The following CACNA1A variants were observed in gnomAD, a reference collection of about 807,000 sequenced individuals.
CACNA1A encodes the protein calcium voltage-gated channel subunit alpha1 A.
A neutral mutation model predicts 262.4 loss-of-function variants in CACNA1A; 57 were observed. The observed-to-expected ratio is 0.22, with a 90% CI of 0.18 to 0.27. CACNA1A has a LOEUF of 0.27. CACNA1A is among the 10% of genes least tolerant of loss of function. The pLI, the probability that CACNA1A is intolerant of heterozygous loss-of-function variation, is 1.00. For missense variants in CACNA1A, 2,526 were observed against 3,562.8 expected (o/e 0.71, Z 7.41); for synonymous variants, 1,431 against 1,419.3 (o/e 1.01, Z -0.18).
intron 3 of CACNA1A, among the ~76,000 whole-genome samples, chr19:13,418,861 T>C (rs1309643440): frequency 6.6e-6 from 1 of 152,174 alleles, no homozygotes; most frequent in African/African-American, 2.4e-5. Flanking sequence ...TATAACTGTA[T>C]TTTTACTGTA....
At chr19:13,371,900 C>T (rs1168247239) in intron 3 of CACNA1A, 121 bp from the exon 4 acceptor site, 10 of 725,342 alleles carry the variant, frequency 1.4e-5, no homozygotes, top group East Asian at 8.1e-5. Context: ...GCAGGTGACT[C>T]GACACCACTG....
At chr19:13,473,662 C>A (rs2145047083) in intron 1 of CACNA1A, among the ~76,000 whole-genome samples, 1 of 152,226 alleles carries the variant, frequency 6.6e-6, no homozygotes, top group Non-Finnish European at 1.5e-5. Context: ...GTTACAAGTT[C>A]CAGGAGGGCC....
At chr19:13,427,942 G>A (rs72997581) in intron 3 of CACNA1A, among the ~76,000 whole-genome samples, 9,469 of 151,144 alleles carry the variant, frequency 0.063, 379 homozygotes, top group South Asian at 0.15. Context: ...ATAATAACAG[G>A]TTGTTTTTTT....
intron 6 of CACNA1A, among the ~76,000 whole-genome samples, chr19:13,346,385 T>C (rs534805462): frequency 1.3e-5 from 2 of 151,522 alleles, no homozygotes; most frequent in East Asian, 3.9e-4. Context: ...CATGGCTCCC[T>C]TCATCTCCTT....
At chr19:13,407,650 C>T (rs1599384875) in intron 3 of CACNA1A, among the ~76,000 whole-genome samples, 1 of 152,160 alleles carries the variant, frequency 6.6e-6, no homozygotes, top group East Asian at 1.9e-4. Flanking sequence ...ATGGAGACGT[C>T]CATCAATGGA....
rs1383547018 is a variant in CACNA1A at position 13,208,042 on chromosome 19, G to A, written c.6792C>T (p.Ser2264=). The A allele has an allele frequency of 7.7e-7, 1 of 1,299,018 alleles. No individual in the cohort carries two copies. The highest frequency in any genetic ancestry group is 9.7e-7 in the Non-Finnish European group (1 of 1,027,892). 80.5% of individuals were successfully genotyped at this position (1,299,018 alleles called of 1,614,324 possible). A position where few individuals can be genotyped will look rare whatever the true frequency, so the allele number is the denominator to read the frequency against. Residue 2264 remains serine, a synonymous_variant, in exon 47 of 47, where the codon TCC becomes TCT. Transcript: ENST00000360228. ...TTGAGGGGGCTGGGCTTCCACTTAC[G>A]GAACTACTGCCCTACACGAAAATTG... is the stretch of plus-strand genomic sequence containing the variant. ...EHMAHRQGSS[S]VSGSPAPSTS...
Position 13,300,539 on chromosome 19 carries a change from G to C in CACNA1A, c.2279+11C>G. ...AGCCAGGGTAGCATCCCAGGGATTA[G>C]GGGCACTTACACAGCTATAGACATG... On this transcript the variant is annotated intron_variant, in intron 18 of 46. Coordinates refer to ENST00000360228, the MANE Select transcript of CACNA1A (RefSeq NM_001127222.2). 6.3e-7 allele frequency: 1 copy of C among 1,584,732 alleles called. No homozygotes were observed. Among genetic ancestry groups the C allele is most frequent in the Non-Finnish European group, 8.7e-7 (1 of 1,153,336 alleles).
intron 6 of CACNA1A, among the ~76,000 whole-genome samples, chr19:13,339,556 G>A (rs755672702): frequency 6.6e-5 from 10 of 152,266 alleles, no homozygotes; most frequent in South Asian, 2.1e-4. Flanking sequence ...CAAATAGCTA[G>A]AAGGAGGAGC....
chr19:13,303,096 G>T (rs1197193974), intron 17 of CACNA1A, among the ~76,000 whole-genome samples: 2 of 152,080 alleles, frequency 1.3e-5, no homozygotes, highest in Non-Finnish European at 2.9e-5. Context: ...GACATTTATT[G>T]GCCACTCCAT....
At chr19:13,304,636 A>ATT (rs60226502) in intron 15 of CACNA1A, among the ~76,000 whole-genome samples, 8 of 122,864 alleles carry the variant, frequency 6.5e-5, no homozygotes, top group Non-Finnish European at 1.2e-4. Context: ...AAAAAAATAG[A>ATT]TTTTTTTTTG....
intron 30 of CACNA1A, among the ~76,000 whole-genome samples, chr19:13,251,796 G>A (rs2056406351): frequency 2.0e-5 from 3 of 151,956 alleles, no homozygotes; most frequent in Admixed American, 1.3e-4. Context: ...TTTGAGACTT[G>A]CTCTGTTGCT....
intron 3 of CACNA1A, among the ~76,000 whole-genome samples, chr19:13,385,802 G>T (rs553569888): frequency 6.6e-6 from 1 of 152,304 alleles, no homozygotes; most frequent in African/African-American, 2.4e-5. Context: ...AAGCAAAAAT[G>T]TAGAAAAGTG....
rs1417342016 is a variant in CACNA1A at position 13,212,480 on chromosome 19, C to T, written c.6093G>A (p.Val2031=). Reference sequence around the variant, plus strand: ...GGAACATCTCCTGGGCACGCTGGGTCACCCAGGACGGGCTCTCCTTGAGGC... The same window carrying T: ...GGAACATCTCCTGGGCACGCTGGGTTACCCAGGACGGGCTCTCCTTGAGGC... ...ESGLKESPSW[V]TQRAQEMFQK... The change falls in exon 42 of 47, where the codon GTG becomes GTA. Residue 2031 remains valine (V), a synonymous_variant. Transcript: ENST00000360228. The surrounding 1 kb of genome is among the most constrained non-coding windows in gnomAD (Gnocchi z 5.6). The T allele has an allele frequency of 6.3e-7, 1 of 1,595,616 alleles. No homozygotes were observed. The highest frequency in any genetic ancestry group is 8.5e-7 in the Non-Finnish European group (1 of 1,171,384).
intron 15 of CACNA1A, among the ~76,000 whole-genome samples, chr19:13,304,949 T>A (rs764663881): frequency 6.6e-6 from 1 of 152,108 alleles, no homozygotes; most frequent in South Asian, 2.1e-4. Flanking sequence ...GTGGTCATGG[T>A]GATGATTAAA....
chr19:13,354,629 T>A (rs1445679344), intron 6 of CACNA1A, among the ~76,000 whole-genome samples: 2 of 152,084 alleles, frequency 1.3e-5, no homozygotes, highest in Non-Finnish European at 1.5e-5. Context: ...TGCAAGTCGT[T>A]TTATTTAGGA....
chr19:13,498,991 C>CG (rs1982019496), intron 1 of CACNA1A, among the ~76,000 whole-genome samples: 1 of 152,094 alleles, frequency 6.6e-6, no homozygotes, highest in South Asian at 2.1e-4. Flanking sequence ...ATGGTTCCCT[C>CG]GCCAGGAATG....
chr19:13,411,415 T>C (rs1173987185), intron 3 of CACNA1A, among the ~76,000 whole-genome samples: 1 of 152,150 alleles, frequency 6.6e-6, no homozygotes, highest in Non-Finnish European at 1.5e-5. Flanking sequence ...GTTCTTGTGG[T>C]AGTGAATAAG....
intron 1 of CACNA1A, among the ~76,000 whole-genome samples, chr19:13,470,879 G>A (rs1436847014): frequency 1.3e-5 from 2 of 152,190 alleles, no homozygotes; most frequent in Non-Finnish European, 1.5e-5. Flanking sequence ...TCTCATAGGA[G>A]TGTCTATATT....
At chr19:13,449,246 G>A (rs1486114340) in intron 3 of CACNA1A, among the ~76,000 whole-genome samples, 1 of 151,882 alleles carries the variant, frequency 6.6e-6, no homozygotes, top group Non-Finnish European at 1.5e-5. Flanking sequence ...AGGCTTACAA[G>A]TGTGAGCCAT....
Sources: allele counts gnomAD v4.1 joint callset (sites outside exome capture counted in the v4.1 genomes callset), GRCh38; gene constraint gnomAD v4.1.1; non-coding constraint Gnocchi (gnomAD v3.1); transcripts MANE v1.5; gene names NCBI Gene and HGNC (gene_info 2026-07-23, HGNC 2026-07-21).